NR4A2: variants seen among roughly 807,000 people sequenced by gnomAD.
The protein encoded by NR4A2 is NGFI-B/nur77 beta-type transcription factor homolog.
In NR4A2, 1 loss-of-function variant was observed where a neutral mutation model predicts 50.5. The observed-to-expected ratio is 0.02, with a 90% CI of 0.01 to 0.09. The LOEUF is 0.09. NR4A2 is among the 10% of genes least tolerant of loss of function. The pLI is 1.00. For synonymous variants in NR4A2, 328 were observed against 309.4 expected, an observed-to-expected ratio of 1.06 and a Z score of -0.63; for missense variants, 613 against 777.3, an observed-to-expected ratio of 0.79 and a Z score of 2.51.
rs775938725 is a variant in NR4A2, at chr2:156,325,718, T to TC, written c.*25dup. 1 of 1,613,844 alleles carries TC rather than the reference T, an allele frequency of 6.2e-7. No homozygotes were observed. Among genetic ancestry groups the TC allele is most frequent in the East Asian group, 2.2e-5 (1 of 44,886 alleles). ...TGACAGTTTCCATTATCATTCCAGT[T>TC]CCTTTGAAGTGCTTGGGAGGAGGTC... On this transcript the variant is annotated 3_prime_UTR_variant, in exon 8 of 8. Transcript: ENST00000339562.
intron 1 of NR4A2, among the ~76,000 whole-genome samples, chr2:156,331,286 T>A (rs1037902495): frequency 6.6e-6 from 1 of 152,178 alleles, no homozygotes; most frequent in East Asian, 1.9e-4. Context: ...CCTTACAAAA[T>A]GTTAGAAAGG....
In NR4A2 at chr2:156,326,730, C is replaced by A; in HGVS notation, c.1349G>T (p.Arg450Leu). The change falls in exon 6 of 8, where the codon CGA becomes CTA. Residue 450 changes from arginine (R) to leucine (L), a missense_variant. Transcript: ENST00000339562. The surrounding 1 kb of genome is among the most constrained non-coding windows in gnomAD (Gnocchi z 4.2). The part of the protein sequence containing the change: ...ESAFLELFVL[R>L]LAYRSNPVEG... ...CCTCCCTTATTACCTGTATGCTAAT[C>A]GAAGGACAAACAGTTCTAAGAAAGC... is the stretch of plus-strand genomic sequence containing the variant. 6.2e-7 allele frequency: 1 copy of A among 1,613,988 alleles called. No homozygotes were observed. Among genetic ancestry groups the A allele is most frequent in the Non-Finnish European group, 8.5e-7 (1 of 1,179,968 alleles).
chr2:156,329,212 A>C lies in NR4A2; in HGVS notation c.864+111T>G. 7.0e-7 allele frequency: 1 copy of C among 1,432,808 alleles called. No individual in the cohort carries two copies. The highest frequency in any genetic ancestry group is 9.6e-7 in the Non-Finnish European group (1 of 1,045,986). The allele number at this position is 1,432,808 out of a possible 1,614,324, so 88.8% of individuals were successfully genotyped here. ...TTCGGCGGACCCCGGAGAGCTGGGCAGTCCCGGGAGAGCTGGGGCTGGGCT... is the reference window on the plus strand; with the variant it reads ...TTCGGCGGACCCCGGAGAGCTGGGCCGTCCCGGGAGAGCTGGGGCTGGGCT... On this transcript the variant is annotated intron_variant, in intron 3 of 7. Transcript: ENST00000339562. This position sits in a 1 kb window ranked among gnomAD's most constrained non-coding sequence, Gnocchi z 7.5.
At chr2:156,327,268 T>C (rs1200128418) in intron 5 of NR4A2, among the ~76,000 whole-genome samples, 2 of 152,242 alleles carry the variant, frequency 1.3e-5, no homozygotes, top group Non-Finnish European at 2.9e-5. Flanking sequence ...CTTAATAAAA[T>C]TGCAGTCCCT....
Position 156,328,022 on chromosome 2 carries a change from G to A in NR4A2, c.995-8C>T. ...AACTGTCTGTGCGAACCACTGCAAAGGAAGAGCCCTGTTAGCGCCGCTTTT... is the reference window on the plus strand; with the variant it reads ...AACTGTCTGTGCGAACCACTGCAAAAGAAGAGCCCTGTTAGCGCCGCTTTT... On this transcript the variant is annotated splice_region_variant and splice_polypyrimidine_tract_variant and intron_variant, in intron 4 of 7. Coordinates refer to ENST00000339562, the MANE Select transcript of NR4A2 (RefSeq NM_006186.4). The surrounding 1 kb of genome is among the most constrained non-coding windows in gnomAD (Gnocchi z 4.9). 1 of 1,603,846 alleles carries A rather than the reference G, an allele frequency of 6.2e-7. No homozygotes were observed. Among genetic ancestry groups the A allele is most frequent in the Non-Finnish European group, 8.5e-7 (1 of 1,174,644 alleles).
Position 156,329,957 on chromosome 2 carries a change from C to G in NR4A2, c.230G>C (p.Cys77Ser). Reference sequence around the variant, plus strand: ...TCCGGACAGGGGCATTTGGTACAAGCAAGGTGGCTTGACGTCGTAGCCTGT... The same window carrying G: ...TCCGGACAGGGGCATTTGGTACAAGGAAGGTGGCTTGACGTCGTAGCCTGT... ...YSTGYDVKPP[C>S]LYQMPLSGQQ... The change falls in exon 3 of 8, where the codon TGC becomes TCC. Residue 77 changes from cysteine (C) to serine (S), a missense_variant. By Grantham distance (112) the Cys-to-Ser change is moderately radical (BLOSUM62 -1). This residue lies in a region of NR4A2 where 61 missense variants were observed against 96.4 expected (regional missense o/e 0.63). Transcript: ENST00000339562. The surrounding 1 kb of genome is among the most constrained non-coding windows in gnomAD (Gnocchi z 7.5). The G allele has an allele frequency of 6.2e-7, 1 of 1,614,142 alleles. No individual in the cohort carries two copies.
intron 2 of NR4A2, 60 bp from the exon 3 acceptor site, chr2:156,330,248 G>A (rs1372594348): frequency 7.5e-6 from 12 of 1,593,804 alleles, no homozygotes; most frequent in East Asian, 2.3e-5. Context: ...TTTCTCCCGG[G>A]CTCGGGTACA....
At position 156,332,550 on chromosome 2, in the gene NR4A2, C is replaced by A. The variant is rs1476281643; in HGVS notation, c.-197G>T. The stretch of plus-strand genomic sequence containing the variant: ...GTGCAGTTCCCTCTGGGAGCCCGGG[C>A]GCCGGGGTCGGGTAGGGGTGGGAGA... On this transcript the variant is annotated 5_prime_UTR_variant, in exon 1 of 8. Coordinates refer to ENST00000339562, the MANE Select transcript of NR4A2 (RefSeq NM_006186.4). 6 of 1,284,548 alleles carry A rather than the reference C, an allele frequency of 4.7e-6. No homozygotes were observed. The highest frequency in any genetic ancestry group is 3.7e-5 in the South Asian group (3 of 80,916). 79.6% of individuals were successfully genotyped at this position (1,284,548 alleles called of 1,614,324 possible). A position where few individuals can be genotyped will look rare whatever the true frequency, so the allele number is the denominator to read the frequency against.
Position 156,329,692 on chromosome 2 carries a change from C to G in NR4A2, c.495G>C (p.Gln165His). Reference protein sequence around the residue: ...NYVATTHMIEQRKTPVSRLSL... With the variant: ...NYVATTHMIEHRKTPVSRLSL... ...AGAGGCGGGAGACTGGCGTTTTCCT[C>G]TGCTCGATCATGTGCGTAGTGGCCA... Residue 165 changes from glutamine to histidine, a missense_variant, in exon 3 of 8, where the codon CAG becomes CAC. Gln to His is a conservative substitution (Grantham distance 24). This residue lies in a region of NR4A2 where 275 missense variants were observed against 248.9 expected (regional missense o/e 1.10). Coordinates refer to ENST00000339562, the MANE Select transcript of NR4A2 (RefSeq NM_006186.4). This position sits in a 1 kb window ranked among gnomAD's most constrained non-coding sequence, Gnocchi z 7.5. 1.9e-6 allele frequency: 3 copies of G among 1,614,060 alleles called. No individual in the cohort carries two copies. The highest frequency in any genetic ancestry group is 2.5e-6 in the Non-Finnish European group (3 of 1,179,954).
Position 156,329,572 on chromosome 2 carries a change from CTCCGGGTTCATGGGGACG to C in NR4A2, c.597_614del (p.His199_Glu205delinsGln). The C allele has an allele frequency of 6.2e-7, 1 of 1,603,012 alleles. No individual in the cohort carries two copies. Among genetic ancestry groups the C allele is most frequent in the Non-Finnish European group, 8.5e-7 (1 of 1,173,620 alleles). On this transcript the variant is annotated inframe_deletion, in exon 3 of 8. Coordinates refer to ENST00000339562, the MANE Select transcript of NR4A2 (RefSeq NM_006186.4). This position sits in a 1 kb window ranked among gnomAD's most constrained non-coding sequence, Gnocchi z 7.5. ...CCACCACGTGGTGGCTGCCGGCGGG[CTCCGGGTTCATGGGGACG>C]TGCAGGGGCCCGTCGAAGCGCATCT...
rs960908237 is a variant in NR4A2, at chr2:156,328,528, T to C, written c.870A>G (p.Thr290=). 1.2e-6 allele frequency: 2 copies of C among 1,614,254 alleles called. No homozygotes were observed. The highest frequency in any genetic ancestry group is 1.1e-5 in the South Asian group (1 of 91,092). The change falls in exon 4 of 8, where the codon ACA becomes ACG. Residue 290 remains threonine, a synonymous_variant. Coordinates refer to ENST00000339562, the MANE Select transcript of NR4A2 (RefSeq NM_006186.4). The surrounding 1 kb of genome is among the most constrained non-coding windows in gnomAD (Gnocchi z 4.9). ...ACACGTATTTTGCATTTTTTTGCAC[T>C]GTGCGCTGCAAAAGGAGACAATATA... ...CEGCKGFFKR[T]VQKNAKYVCL... is the part of the protein sequence containing the mutation.
At chr2:156,331,019 T>C (rs1343347308) in intron 1 of NR4A2, among the ~76,000 whole-genome samples, 3 of 152,206 alleles carry the variant, frequency 2.0e-5, no homozygotes, top group Non-Finnish European at 4.4e-5. Context: ...AGAGAGAAGA[T>C]CCTGCAAGAG....
rs958068998 is a variant in NR4A2 at position 156,329,689 on chromosome 2, C to T, written c.498G>A (p.Arg166=). The T allele has an allele frequency of 6.2e-7, 1 of 1,613,776 alleles. No homozygotes were observed. Among genetic ancestry groups the T allele is most frequent in the Admixed American group, 1.7e-5 (1 of 60,002 alleles). The change falls in exon 3 of 8, where the codon AGG becomes AGA. Residue 166 remains arginine (R), a synonymous_variant. Transcript: ENST00000339562. The surrounding 1 kb of genome is among the most constrained non-coding windows in gnomAD (Gnocchi z 7.5). The part of the protein sequence containing the change: ...YVATTHMIEQ[R]KTPVSRLSLF... ...GGGAGAGGCGGGAGACTGGCGTTTT[C>T]CTCTGCTCGATCATGTGCGTAGTGG...
At position 156,325,683 on chromosome 2, in the gene NR4A2, T is replaced by G; in HGVS notation, c.*61A>C. 2 of 1,606,212 alleles carry G rather than the reference T, an allele frequency of 1.2e-6. No individual in the cohort carries two copies. Among genetic ancestry groups the G allele is most frequent in the Non-Finnish European group, 1.7e-6 (2 of 1,174,420 alleles). Reference sequence around the variant, plus strand: ...CACGGCTATCTCTGCCCATGTGACTTGCCCCCTCTTGACAGTTTCCATTAT... The same window carrying G: ...CACGGCTATCTCTGCCCATGTGACTGGCCCCCTCTTGACAGTTTCCATTAT... On this transcript the variant is annotated 3_prime_UTR_variant, in exon 8 of 8. Coordinates refer to ENST00000339562, the MANE Select transcript of NR4A2 (RefSeq NM_006186.4).
In NR4A2 at chr2:156,326,359, GA is replaced by G; in HGVS notation, c.1362-32del. 6.3e-7 allele frequency: 1 copy of G among 1,585,044 alleles called. No homozygotes were observed. Among genetic ancestry groups the G allele is most frequent in the Non-Finnish European group, 8.7e-7 (1 of 1,153,644 alleles). Reference sequence around the variant, plus strand: ...ATTAATACCAAAGAGAGAGAGGGGAGAAAAAGAGAGAGAGAAAAGCTAAACA... The same window carrying G: ...ATTAATACCAAAGAGAGAGAGGGGAGAAAAGAGAGAGAGAAAAGCTAAACA... On this transcript the variant is annotated intron_variant, in intron 6 of 7. Coordinates refer to ENST00000339562, the MANE Select transcript of NR4A2 (RefSeq NM_006186.4). This position sits in a 1 kb window ranked among gnomAD's most constrained non-coding sequence, Gnocchi z 4.2.
At chr2:156,331,585 T>C (rs1686927779) in intron 1 of NR4A2, among the ~76,000 whole-genome samples, 2 of 152,234 alleles carry the variant, frequency 1.3e-5, no homozygotes, top group African/African-American at 2.4e-5. Context: ...TTCCCCATAA[T>C]GCCTTCCACA....
Position 156,329,801 on chromosome 2 carries a change from G to C in NR4A2, c.386C>G (p.Thr129Arg). The C allele has an allele frequency of 6.2e-7, 1 of 1,613,614 alleles. No homozygotes were observed. Among genetic ancestry groups the C allele is most frequent in the Non-Finnish European group, 8.5e-7 (1 of 1,179,576 alleles). The change falls in exon 3 of 8, where the codon ACG becomes AGG. Residue 129 changes from threonine to arginine, a missense_variant. Around this residue, in one of 4 missense-constraint regions of NR4A2, gnomAD observed 275 missense variants for 248.9 expected, o/e 1.10. Transcript: ENST00000339562. The surrounding 1 kb of genome is among the most constrained non-coding windows in gnomAD (Gnocchi z 7.5). ...SVYYKPSSPP[T>R]PTTPGFQVQH... ...CACCTGGAAGCCCGGGGTGGTGGGC[G>C]TCGGGGGCGAGGAGGGCTTGTAGTA...
chr2:156,329,730 G>A lies in NR4A2; in HGVS notation c.457C>T (p.His153Tyr). ...WDDPGSLHNF[H>Y]QNYVATTHMI... is the part of the protein sequence containing the mutation. ...TGCGTAGTGGCCACGTAGTTCTGGT[G>A]GAAGTTGTGGAGAGATCCCGGGTCG... is the stretch of plus-strand genomic sequence containing the variant. The change falls in exon 3 of 8, where the codon CAC (histidine) becomes TAC (tyrosine). Residue 153 changes from histidine to tyrosine, a missense_variant. Physicochemically the swap from His to Tyr is moderately conservative, Grantham distance 83. Transcript: ENST00000339562. This position sits in a 1 kb window ranked among gnomAD's most constrained non-coding sequence, Gnocchi z 7.5. 1.2e-6 allele frequency: 2 copies of A among 1,614,068 alleles called. No individual in the cohort carries two copies. Among genetic ancestry groups the A allele is most frequent in the Non-Finnish European group, 1.7e-6 (2 of 1,179,954 alleles).
In NR4A2 at chr2:156,326,508, T is replaced by C. The variant is rs1292492096; in HGVS notation, c.1362-180A>G. 1.3e-5 allele frequency among the ~76,000 whole-genome samples: 2 copies of C among 152,192 alleles called. No homozygotes were observed. The highest frequency in any genetic ancestry group is 4.8e-5 in the African/African-American group (2 of 41,452). On this transcript the variant is annotated intron_variant, in intron 6 of 7. Coordinates refer to ENST00000339562, the MANE Select transcript of NR4A2 (RefSeq NM_006186.4). This position sits in a 1 kb window ranked among gnomAD's most constrained non-coding sequence, Gnocchi z 4.2. ...TTTCATAACAATCAAGAACGCCCCCTATCCCACCTCCATTCCATTCATCCA... is the reference window on the plus strand; with the variant it reads ...TTTCATAACAATCAAGAACGCCCCCCATCCCACCTCCATTCCATTCATCCA...
Sources: allele counts gnomAD v4.1 joint callset (sites outside exome capture counted in the v4.1 genomes callset), GRCh38; gene constraint gnomAD v4.1.1; regional missense constraint gnomAD v4.1.1; non-coding constraint Gnocchi (gnomAD v3.1); transcripts MANE v1.5; gene names NCBI Gene and HGNC (gene_info 2026-07-23, HGNC 2026-07-21).